Variants in ALDH8A1 observed in about 807,000 individuals in gnomAD.
ALDH8A1 encodes aldehyde dehydrogenase 8 family member A1.
Under a neutral mutation model 43.3 loss-of-function variants are expected in ALDH8A1, and 39 were observed. The observed-to-expected ratio is 0.90, with a 90% CI of 0.70 to 1.18. The LOEUF (loss-of-function observed/expected upper bound fraction) is 1.18. Ranked by LOEUF, ALDH8A1 falls within the 50% of genes most tolerant of loss-of-function variation. The pLI is 0.00. For missense variants in ALDH8A1, 605 were observed against 622.6 expected, an observed-to-expected ratio of 0.97 and a Z score of 0.30; for synonymous variants, 233 against 243.5, an observed-to-expected ratio of 0.96 and a Z score of 0.40.
At chr6:134,947,527 T>C (rs1012773936) in intron 1 of ALDH8A1, among the ~76,000 whole-genome samples, 9 of 152,080 alleles carry the variant, frequency 5.9e-5, no homozygotes, top group Non-Finnish European at 1.2e-4. Flanking sequence ...AGCTTGTATA[T>C]ATACATATAC....
In ALDH8A1 at chr6:134,929,367, A is replaced by G; in HGVS notation, c.850-152T>C. The G allele has an allele frequency of 1.2e-5, 8 of 676,484 alleles. No homozygotes were observed. In the South Asian group the frequency reaches 2.0e-4, roughly 17 times the overall value. 41.9% of individuals were successfully genotyped at this position (676,484 alleles called of 1,614,324 possible). On this transcript the variant is annotated intron_variant, in intron 5 of 6. Transcript: ENST00000265605. Reference sequence around the variant, plus strand: ...ACAAAGTTCCCACCATGTGGAACACATAGTCTTGTGGGAAAGACAAATAAG... The same window carrying G: ...ACAAAGTTCCCACCATGTGGAACACGTAGTCTTGTGGGAAAGACAAATAAG...
rs769471734 is a variant in ALDH8A1, at chr6:134,939,349, G to GC, written c.508dup (p.Ala170GlyfsTer12). 17 of 1,614,112 alleles carry GC rather than the reference G, an allele frequency of 1.1e-5. No homozygotes were observed. The highest frequency in any genetic ancestry group is 2.7e-5 in the African/African-American group (2 of 74,946). ...CTTGGCTATCACAGTGTTCCCTGCA[G>GC]CCATCGCTGGAGCTATCTTCCAGGT... On this transcript the variant is annotated frameshift_variant, in exon 4 of 7. Coordinates refer to ENST00000265605, the MANE Select transcript of ALDH8A1 (RefSeq NM_022568.4). LOFTEE classifies it high-confidence loss of function.
intron 4 of ALDH8A1, among the ~76,000 whole-genome samples, chr6:134,933,705 T>TTTTA (rs1351300281): frequency 3.9e-5 from 6 of 152,174 alleles, no homozygotes; most frequent in South Asian, 2.1e-4. Flanking sequence ...TGTTTTATTA[T>TTTTA]TTTATTTATT....
rs775080762 is a variant in ALDH8A1, at chr6:134,932,829, C to T, written c.796G>A (p.Ala266Thr). 17 of 1,614,200 alleles carry T rather than the reference C, an allele frequency of 1.1e-5. No homozygotes were observed. Among genetic ancestry groups the T allele is most frequent in the South Asian group, 6.6e-5 (6 of 91,088 alleles). ...GCCGGAATGCACTCATCCAGGTTGG[C>T]GTCCTCAAAGATGATGGCAGGATTC... ...GKNPAIIFEDANLDECIPATV... is the reference protein window; with the variant it reads ...GKNPAIIFEDTNLDECIPATV... The change falls in exon 5 of 7, where the codon GCC becomes ACC. Residue 266 changes from alanine (A) to threonine (T), a missense_variant. Physicochemically the swap from Ala to Thr is moderately conservative, Grantham distance 58. Coordinates refer to ENST00000265605, the MANE Select transcript of ALDH8A1 (RefSeq NM_022568.4).
chr6:134,947,881 C>T (rs1178668841), intron 1 of ALDH8A1, among the ~76,000 whole-genome samples: 1 of 151,624 alleles, frequency 6.6e-6, no homozygotes, highest in East Asian at 1.9e-4. Context: ...ACAGTATGAT[C>T]CAGCAATCCC....
rs1776722471 is a variant in ALDH8A1 at position 134,917,450 on chromosome 6, C to T, written c.*965G>A. The T allele has an allele frequency of 6.6e-6, 1 of 152,120 alleles. No homozygotes were observed. Among genetic ancestry groups the T allele is most frequent in the Non-Finnish European group, 1.5e-5 (1 of 68,014 alleles). The allele number at this position is 152,120 out of a possible 1,614,324, so 9.4% of individuals were successfully genotyped here. A position where few individuals can be genotyped will look rare whatever the true frequency, so the allele number is the denominator to read the frequency against. Reference sequence around the variant, plus strand: ...CTTTTGGGGTTAGCAAGTTGTAAGCCTCATTAGATGCATACACTAAGAAAT... The same window carrying T: ...CTTTTGGGGTTAGCAAGTTGTAAGCTTCATTAGATGCATACACTAAGAAAT... On this transcript the variant is annotated 3_prime_UTR_variant, in exon 7 of 7. Transcript: ENST00000265605.
At chr6:134,944,624 C>G (rs1773920307) in intron 1 of ALDH8A1, among the ~76,000 whole-genome samples, 1 of 152,082 alleles carries the variant, frequency 6.6e-6, no homozygotes, top group South Asian at 2.1e-4. Flanking sequence ...TGGCTCATGC[C>G]TGTAATCTTA....
rs546160255 is a variant in ALDH8A1 at position 134,917,924 on chromosome 6, A to G, written c.*491T>C. The G allele has an allele frequency of 2.2e-4, 35 of 161,956 alleles. No homozygotes were observed. The highest frequency in any genetic ancestry group is 6.4e-3 in the Middle Eastern group (2 of 314). 10.0% of individuals were successfully genotyped at this position (161,956 alleles called of 1,614,324 possible). A position where few individuals can be genotyped will look rare whatever the true frequency, so the allele number is the denominator to read the frequency against. ...GCTATAGGCAGAGGGCACCACACCAAGCTAATTTTTAAACTTTTGGTAAAG... is the reference window on the plus strand; with the variant it reads ...GCTATAGGCAGAGGGCACCACACCAGGCTAATTTTTAAACTTTTGGTAAAG... On this transcript the variant is annotated 3_prime_UTR_variant, in exon 7 of 7. Coordinates refer to ENST00000265605, the MANE Select transcript of ALDH8A1 (RefSeq NM_022568.4).
At chr6:134,928,298 T>C (rs1162576223) in intron 6 of ALDH8A1, among the ~76,000 whole-genome samples, 1 of 152,222 alleles carries the variant, frequency 6.6e-6, no homozygotes, top group Non-Finnish European at 1.5e-5. Context: ...GGCAACTGTG[T>C]TGCAGTGTCC....
rs552299507 is a variant in ALDH8A1 at position 134,947,960 on chromosome 6, T to C, written c.138+1956A>G. On this transcript the variant is annotated intron_variant, in intron 1 of 6. Transcript: ENST00000265605. ...AGAGATACCTGTACCCCCATATTTG[T>C]TGAAGCACTATTTACAATAGTCAAG... is the stretch of plus-strand genomic sequence containing the variant. Among the ~76,000 whole-genome samples the C allele has an allele frequency of 2.6e-5, 4 of 152,292 alleles. No individual in the cohort carries two copies. In the South Asian group the frequency reaches 8.3e-4, roughly 32 times the overall value.
chr6:134,939,470 C>A, intron 3 of ALDH8A1, 55 bp from the exon 4 acceptor site: 1 of 1,579,138 alleles, frequency 6.3e-7, no homozygotes. Flanking sequence ...CTGAGGTGGA[C>A]TGGCCAAGTG....
At chr6:134,923,925 G>A (rs1776844987) in intron 6 of ALDH8A1, among the ~76,000 whole-genome samples, 2 of 152,188 alleles carry the variant, frequency 1.3e-5, no homozygotes, top group Non-Finnish European at 2.9e-5. Context: ...AAAATTAGTT[G>A]TAAAAATATT....
In ALDH8A1 at chr6:134,918,702, A is replaced by C; in HGVS notation, c.1177T>G (p.Phe393Val). The change falls in exon 7 of 7, where the codon TTT becomes GTT. Residue 393 changes from phenylalanine (F) to valine (V), a missense_variant. Transcript: ENST00000265605. ...GGGACGACACACGTCACTGGACCAA[A>C]TATCTCTTCCGTCATGCAGCAGGAT... ...DESCCMTEEI[F>V]GPVTCVVPFD... 6.2e-7 allele frequency: 1 copy of C among 1,614,168 alleles called. No homozygotes were observed. The highest frequency in any genetic ancestry group is 8.5e-7 in the Non-Finnish European group (1 of 1,180,036).
chr6:134,933,350 A>G (rs1773662019), intron 4 of ALDH8A1, among the ~76,000 whole-genome samples: 1 of 152,204 alleles, frequency 6.6e-6, no homozygotes, highest in African/African-American at 2.4e-5. Flanking sequence ...TTGAGGATGC[A>G]GAGATAGTCT....
chr6:134,929,301 T>G, intron 5 of ALDH8A1, 86 bp from the exon 6 acceptor site: 10 of 1,441,344 alleles, frequency 6.9e-6, no homozygotes, highest in Non-Finnish European at 8.5e-6. Flanking sequence ...CTGCCATGTA[T>G]CAGGCACTGG....
intron 3 of ALDH8A1, among the ~76,000 whole-genome samples, chr6:134,941,160 T>C (rs1407006210): frequency 6.6e-6 from 1 of 152,146 alleles, no homozygotes; most frequent in East Asian, 1.9e-4. Context: ...GGCACCATAC[T>C]ACATGCCCTA....
At chr6:134,935,533 T>C (rs990023799) in intron 4 of ALDH8A1, among the ~76,000 whole-genome samples, 11 of 152,220 alleles carry the variant, frequency 7.2e-5, no homozygotes, top group Admixed American at 3.3e-4. Context: ...AAGTCATCTG[T>C]ATAATCACGC....
At chr6:134,938,623 T>TTTATTA (rs533306351) in intron 4 of ALDH8A1, among the ~76,000 whole-genome samples, 1,308 of 110,182 alleles carry the variant, frequency 0.012, 20 homozygotes, top group African/African-American at 0.035. Flanking sequence ...AAGATTTTAT[T>TTTATTA]TTATTATTAT....
intron 4 of ALDH8A1, among the ~76,000 whole-genome samples, chr6:134,936,867 C>T (rs981531868): frequency 2.0e-5 from 3 of 152,164 alleles, no homozygotes; most frequent in African/African-American, 7.2e-5. Context: ...AGAAGGAAAG[C>T]AGTTTAACTG....
Sources: allele counts gnomAD v4.1 joint callset (sites outside exome capture counted in the v4.1 genomes callset), GRCh38; gene constraint gnomAD v4.1.1; transcripts MANE v1.5; gene names NCBI Gene and HGNC (gene_info 2026-07-23, HGNC 2026-07-21).